Variants in TENM2 observed in about 807,000 individuals in gnomAD.
TENM2 encodes the protein teneurin-2.
A neutral mutation model predicts 245.2 loss-of-function variants in TENM2; 52 were observed. That is an observed-to-expected ratio of 0.21 (90% CI 0.17 to 0.27). The LOEUF (loss-of-function observed/expected upper bound fraction) is 0.27. TENM2 is among the 10% of genes least tolerant of loss of function. TENM2 has a pLI of 1.00. For missense variants in TENM2, 3,046 were observed against 3,666.8 expected, an observed-to-expected ratio of 0.83 and a Z score of 4.37; for synonymous variants, 1,363 against 1,438.9, an observed-to-expected ratio of 0.95 and a Z score of 1.19.
At chr5:167,911,822 A>G (rs1031073453) in intron 3 of TENM2, among the ~76,000 whole-genome samples, 1 of 152,212 alleles carries the variant, frequency 6.6e-6, no homozygotes, top group African/African-American at 2.4e-5. Context: ...GCTTACTACC[A>G]TGAATAATTG....
intron 2 of TENM2, among the ~76,000 whole-genome samples, chr5:167,517,655 T>C (rs1306707655): frequency 1.3e-5 from 2 of 152,136 alleles, no homozygotes; most frequent in Non-Finnish European, 2.9e-5. Flanking sequence ...CCCTGCTGGG[T>C]CATTGACAAA....
At chr5:167,333,716 G>C (rs1471877467) in intron 1 of TENM2, among the ~76,000 whole-genome samples, 1 of 152,038 alleles carries the variant, frequency 6.6e-6, no homozygotes, top group African/African-American at 2.4e-5. Flanking sequence ...GGGAAGGATG[G>C]GGATCAATCA....
chr5:167,766,375 CAG>C (rs1763021463), intron 2 of TENM2, among the ~76,000 whole-genome samples: 1 of 152,152 alleles, frequency 6.6e-6, no homozygotes, highest in African/African-American at 2.4e-5. Context: ...CCGCAGTTAA[CAG>C]ATCACACAGG....
At chr5:167,493,314 T>A (rs1768569459) in intron 2 of TENM2, among the ~76,000 whole-genome samples, 5 of 152,032 alleles carry the variant, frequency 3.3e-5, no homozygotes, top group Admixed American at 3.3e-4. Flanking sequence ...AAACCTTTAT[T>A]GGCACAATGA....
At chr5:167,892,494 C>A (rs1489538535) in intron 3 of TENM2, among the ~76,000 whole-genome samples, 30 of 152,152 alleles carry the variant, frequency 2.0e-4, no homozygotes, top group Admixed American at 2.0e-3. Flanking sequence ...AGGTGTATAG[C>A]AAAGCATAGA....
At chr5:167,446,427 T>A (rs1334511183) in intron 2 of TENM2, among the ~76,000 whole-genome samples, 1 of 152,122 alleles carries the variant, frequency 6.6e-6, no homozygotes, top group Non-Finnish European at 1.5e-5. Context: ...AAATCACTCC[T>A]TCATCTAGTT....
intron 2 of TENM2, among the ~76,000 whole-genome samples, chr5:167,867,626 A>C (rs1772437384): frequency 6.6e-6 from 1 of 151,202 alleles, no homozygotes; most frequent in African/African-American, 2.5e-5. Context: ...GGTCTTCCAC[A>C]GTAAAAATAA....
chr5:167,731,265 G>A (rs550688450), intron 2 of TENM2, among the ~76,000 whole-genome samples: 3 of 150,350 alleles, frequency 2.0e-5, no homozygotes, highest in Non-Finnish European at 4.4e-5. Context: ...AGCGTTTTGA[G>A]CGAGATGGAA....
chr5:167,894,792 T>G (rs1775040099), intron 3 of TENM2, among the ~76,000 whole-genome samples: 1 of 152,166 alleles, frequency 6.6e-6, no homozygotes, highest in Admixed American at 6.5e-5. Flanking sequence ...ACTGAGGTTT[T>G]TCTTCTTCCC....
At chr5:167,186,826 T>A in the TENM2 span, among the ~76,000 whole-genome samples, 2 of 152,228 alleles carry the variant, frequency 1.3e-5, no homozygotes, top group Non-Finnish European at 1.5e-5. Context: ...CAGTTGGGAA[T>A]AGAAACCACA....
At chr5:167,186,472 C>T in the TENM2 span, among the ~76,000 whole-genome samples, 4 of 152,056 alleles carry the variant, frequency 2.6e-5, no homozygotes, top group East Asian at 1.9e-4. Flanking sequence ...CTTGCTGAAG[C>T]GAAGAAAGAA....
chr5:167,053,887 CT>C, the TENM2 span, among the ~76,000 whole-genome samples: 1 of 152,150 alleles, frequency 6.6e-6, no homozygotes, highest in South Asian at 2.1e-4. Flanking sequence ...AATTAACAAG[CT>C]TGATTTTTTA....
At chr5:167,893,635 T>TG (rs1050109277) in intron 3 of TENM2, among the ~76,000 whole-genome samples, 19 of 146,912 alleles carry the variant, frequency 1.3e-4, no homozygotes, top group African/African-American at 4.3e-4. Flanking sequence ...TTTTTGTTGT[T>TG]TTTTTTTTTT....
At chr5:167,560,206 A>G (rs1035815273) in intron 2 of TENM2, among the ~76,000 whole-genome samples, 51 of 152,144 alleles carry the variant, frequency 3.4e-4, no homozygotes, top group African/African-American at 1.1e-3. Context: ...CTGCATTTTA[A>G]CACCACCCCA....
intron 2 of TENM2, among the ~76,000 whole-genome samples, chr5:167,615,637 A>AT (rs1275541857): frequency 2.0e-5 from 3 of 152,038 alleles, no homozygotes; most frequent in African/African-American, 7.2e-5. Context: ...TGGCAGACAG[A>AT]TTTTTTTTGA....
intron 2 of TENM2, among the ~76,000 whole-genome samples, chr5:167,725,747 T>C (rs1759956419): frequency 6.6e-6 from 1 of 152,194 alleles, no homozygotes; most frequent in African/African-American, 2.4e-5. Context: ...TCTAAGTGCA[T>C]CTGTTACCAC....
intron 7 of TENM2, among the ~76,000 whole-genome samples, chr5:168,070,911 A>G (rs932389965): frequency 3.3e-5 from 5 of 151,080 alleles, no homozygotes; most frequent in Non-Finnish European, 7.4e-5. Flanking sequence ...AAGAAAAAGA[A>G]ACCACTGTGG....
intron 1 of TENM2, among the ~76,000 whole-genome samples, chr5:167,342,545 G>A (rs1404056385): frequency 9.6e-4 from 106 of 109,998 alleles, no homozygotes; most frequent in African/African-American, 3.7e-3. Context: ...TTTTGAGACG[G>A]AGTCTCGCTC....
At chr5:167,612,840 TGGTG>T (rs1294127658) in intron 2 of TENM2, among the ~76,000 whole-genome samples, 4 of 152,092 alleles carry the variant, frequency 2.6e-5, no homozygotes, top group African/African-American at 9.7e-5. Flanking sequence ...ATTTTCCAAA[TGGTG>T]GCATTTGGAA....
Sources: gnomAD v4.1 joint callset for allele counts (sites outside exome capture counted in the v4.1 genomes callset) on GRCh38, gnomAD v4.1.1 for gene constraint, MANE v1.5 for transcripts, NCBI Gene and HGNC (gene_info 2026-07-23, HGNC 2026-07-21) for gene names.